AFG1L: variants seen among roughly 807,000 people sequenced by gnomAD.
AFG1L encodes AFG1 like ATPase.
In AFG1L, 53 loss-of-function variants were observed where a neutral mutation model predicts 62.2. The observed-to-expected ratio is 0.85, with a 90% confidence interval of 0.68 to 1.07. The LOEUF is 1.07. Among genes scored for constraint, AFG1L ranks in the 50% least tolerant of loss-of-function variants. AFG1L has a pLI of 0.00. For synonymous variants in AFG1L, 228 were observed against 210.3 expected (o/e 1.08, Z -0.73); for missense variants, 555 against 590.5 (o/e 0.94, Z 0.62).
At chr6:108,420,069 A>C (rs904113728) in intron 7 of AFG1L, among the ~76,000 whole-genome samples, 4 of 152,168 alleles carry the variant, frequency 2.6e-5, no homozygotes, top group African/African-American at 9.6e-5. Flanking sequence ...AGAGTGCTAA[A>C]TAATCAGAAT....
intron 1 of AFG1L, among the ~76,000 whole-genome samples, chr6:108,297,727 C>T (rs374840171): frequency 1.3e-4 from 19 of 151,692 alleles, no homozygotes; most frequent in African/African-American, 1.9e-4. Context: ...TGGTGGTGCA[C>T]GCCTGTAGTC....
At chr6:108,348,693 A>G (rs1013808841) in intron 3 of AFG1L, among the ~76,000 whole-genome samples, 1 of 152,208 alleles carries the variant, frequency 6.6e-6, no homozygotes, top group Non-Finnish European at 1.5e-5. Flanking sequence ...CACTTGATCA[A>G]TTTTATGTTC....
chr6:108,356,847 A>C, intron 5 of AFG1L, 27 bp downstream of exon 5: 1 of 1,578,150 alleles, frequency 6.3e-7, no homozygotes, highest in Non-Finnish European at 8.6e-7. Context: ...TCATAGATAT[A>C]GAATGGTATA....
chr6:108,504,551 T>C (rs192457763), intron 10 of AFG1L, among the ~76,000 whole-genome samples: 1 of 152,144 alleles, frequency 6.6e-6, no homozygotes, highest in Admixed American at 6.5e-5. Context: ...CCAGATGTAA[T>C]AGTAATGAAA....
intron 7 of AFG1L, among the ~76,000 whole-genome samples, chr6:108,419,174 A>T (rs1770472901): frequency 1.3e-5 from 2 of 152,088 alleles, no homozygotes; most frequent in Non-Finnish European, 2.9e-5. Flanking sequence ...GATTTTCTTA[A>T]TCAGTTTAAC....
intron 1 of AFG1L, among the ~76,000 whole-genome samples, chr6:108,311,608 C>T (rs569962272): frequency 3.3e-5 from 5 of 151,818 alleles, no homozygotes; most frequent in Non-Finnish European, 5.9e-5. Context: ...GCGATCCTCC[C>T]GCCTCAGCCT....
intron 10 of AFG1L, among the ~76,000 whole-genome samples, chr6:108,496,996 C>G (rs1229683330): frequency 6.6e-6 from 1 of 152,040 alleles, no homozygotes; most frequent in Non-Finnish European, 1.5e-5. Flanking sequence ...ATTTATTGAA[C>G]CATTCTTCTG....
intron 5 of AFG1L, among the ~76,000 whole-genome samples, chr6:108,363,313 C>T (rs886952368): frequency 3.9e-5 from 6 of 152,048 alleles, no homozygotes; most frequent in Admixed American, 3.3e-4. Flanking sequence ...CTGATTATTT[C>T]GTCACCCAGG....
At chr6:108,426,845 C>T (rs1200709529) in intron 7 of AFG1L, among the ~76,000 whole-genome samples, 2 of 152,190 alleles carry the variant, frequency 1.3e-5, no homozygotes, top group Non-Finnish European at 2.9e-5. Flanking sequence ...CCTCCACCTT[C>T]TACTCCACCT....
At chr6:108,493,873 G>A (rs1773862940) in intron 10 of AFG1L, among the ~76,000 whole-genome samples, 1 of 152,100 alleles carries the variant, frequency 6.6e-6, no homozygotes, top group South Asian at 2.1e-4. Flanking sequence ...CAGTCTCACT[G>A]TCACTCAGGC....
chr6:108,295,305 A>C, intron 1 of AFG1L, 87 bp downstream of exon 1: 1 of 1,448,954 alleles, frequency 6.9e-7, no homozygotes, highest in Non-Finnish European at 9.2e-7. Context: ...GATCTACCCC[A>C]GGTGTCTCCT....
intron 6 of AFG1L, among the ~76,000 whole-genome samples, chr6:108,370,801 T>C (rs181186436): frequency 3.3e-5 from 5 of 152,262 alleles, no homozygotes; most frequent in African/African-American, 1.2e-4. Flanking sequence ...ACGCATTTTC[T>C]TTTTTTCCTC....
At chr6:108,404,082 TTC>T (rs1781748805) in intron 7 of AFG1L, among the ~76,000 whole-genome samples, 1 of 152,154 alleles carries the variant, frequency 6.6e-6, no homozygotes, top group African/African-American at 2.4e-5. Context: ...TCTGAAGCTT[TTC>T]TGTTTGGGCA....
intron 4 of AFG1L, 55 bp downstream of exon 4, chr6:108,355,810 G>T: frequency 8.5e-7 from 1 of 1,173,912 alleles, no homozygotes. Flanking sequence ...CTACAAAATG[G>T]TTTTCTTCAT....
chr6:108,406,479 A>G (rs776103077), intron 7 of AFG1L, among the ~76,000 whole-genome samples: 2 of 152,106 alleles, frequency 1.3e-5, no homozygotes, highest in Non-Finnish European at 2.9e-5. Flanking sequence ...GCTCTGTCAC[A>G]CAGGCTGGAG....
chr6:108,414,107 A>C lies in AFG1L; in HGVS notation c.807+12053A>C, dbSNP rs1376540748. On this transcript the variant is annotated intron_variant, in intron 7 of 12. Coordinates refer to ENST00000368977, the MANE Select transcript of AFG1L (RefSeq NM_145315.5). ...AATGGGACATCACCACCGATCCCAC[A>C]GAAATACAAACTACCATCAGAGAAT... 2.6e-5 allele frequency among the ~76,000 whole-genome samples: 4 copies of C among 152,244 alleles called. No individual in the cohort carries two copies. In the East Asian group the frequency reaches 7.7e-4, roughly 29 times the overall value.
chr6:108,522,594 A>G lies in AFG1L; in HGVS notation c.*169A>G. On this transcript the variant is annotated 3_prime_UTR_variant, in exon 13 of 13. Transcript: ENST00000368977. ...GATCTAGTGGATTAGTAAGTTAAAC[A>G]CTTAACATTTTTTAGGTCTGCTTTT... 1 of 584,286 alleles carries G rather than the reference A, an allele frequency of 1.7e-6. No individual in the cohort carries two copies. Among genetic ancestry groups the G allele is most frequent in the Non-Finnish European group, 2.7e-6 (1 of 371,774 alleles). The allele number at this position is 584,286 out of a possible 1,614,324, so 36.2% of individuals were successfully genotyped here.
intron 7 of AFG1L, among the ~76,000 whole-genome samples, chr6:108,445,938 C>T (rs66485667): frequency 0.099 from 15,040 of 152,018 alleles, 1,062 homozygotes; most frequent in African/African-American, 0.2. Flanking sequence ...GGCCAATAGA[C>T]TTGCTTCATG....
chr6:108,501,452 A>G (rs1774198471), intron 10 of AFG1L, among the ~76,000 whole-genome samples: 1 of 152,220 alleles, frequency 6.6e-6, no homozygotes, highest in Non-Finnish European at 1.5e-5. Flanking sequence ...AATTAGTAGT[A>G]GGATAGGCTA....
Sources: gnomAD v4.1 joint callset for allele counts (sites outside exome capture counted in the v4.1 genomes callset) on GRCh38, gnomAD v4.1.1 for gene constraint, MANE v1.5 for transcripts, NCBI Gene and HGNC (gene_info 2026-07-23, HGNC 2026-07-21) for gene names.